Variants in AUTS2 observed in about 807,000 individuals in gnomAD.
AUTS2 encodes the protein activator of transcription and developmental regulator AUTS2.
A neutral mutation model predicts 112.4 loss-of-function variants in AUTS2; 17 were observed. The observed-to-expected ratio is 0.15, with a 90% CI of 0.10 to 0.23. The LOEUF is 0.23. Ranked by LOEUF, AUTS2 falls within the 10% of genes least tolerant of loss-of-function variation. The pLI is 1.00. For synonymous variants in AUTS2, 751 were observed against 702.7 expected, an observed-to-expected ratio of 1.07 and a Z score of -1.09; for missense variants, 1,510 against 1,701.6, an observed-to-expected ratio of 0.89 and a Z score of 1.98.
chr7:69,980,304 T>C (rs1303836321), intron 2 of AUTS2, among the ~76,000 whole-genome samples: 1 of 152,168 alleles, frequency 6.6e-6, no homozygotes, highest in Non-Finnish European at 1.5e-5. Flanking sequence ...TGTGTGCACT[T>C]AAAGAGTAAG....
intron 4 of AUTS2, among the ~76,000 whole-genome samples, chr7:70,375,689 G>T (rs1036474064): frequency 1.3e-5 from 2 of 152,164 alleles, no homozygotes; most frequent in African/African-American, 4.8e-5. Flanking sequence ...GATTCTGAAT[G>T]GGCTTTGAGC....
chr7:69,964,233 C>A (rs1377814114), intron 2 of AUTS2, among the ~76,000 whole-genome samples: 1 of 152,118 alleles, frequency 6.6e-6, no homozygotes, highest in East Asian at 1.9e-4. Context: ...CAGACATGGA[C>A]CAGCTGTGAG....
intron 5 of AUTS2, among the ~76,000 whole-genome samples, chr7:70,477,710 C>A (rs1474985331): frequency 6.6e-6 from 1 of 152,184 alleles, no homozygotes; most frequent in African/African-American, 2.4e-5. Flanking sequence ...AATCTCAGAT[C>A]ATTAACATAC....
intron 4 of AUTS2, among the ~76,000 whole-genome samples, chr7:70,369,610 A>T (rs1397707136): frequency 6.6e-6 from 1 of 152,074 alleles, no homozygotes; most frequent in Non-Finnish European, 1.5e-5. Context: ...AGAGGAGATG[A>T]TTAGATCAAG....
chr7:70,131,886 A>G (rs1374763929), intron 3 of AUTS2, among the ~76,000 whole-genome samples: 1 of 151,848 alleles, frequency 6.6e-6, no homozygotes, highest in African/African-American at 2.4e-5. Flanking sequence ...CAGGCGTAAT[A>G]TCTCACTGAA....
At chr7:70,568,221 ATGTGAGTTCATGTGTTAGC>A (rs1196079688) in intron 5 of AUTS2, among the ~76,000 whole-genome samples, 1 of 152,174 alleles carries the variant, frequency 6.6e-6, no homozygotes, top group African/African-American at 2.4e-5. Context: ...TATGGGGAAT[ATGTGAGTTCATGTGTTAGC>A]TGTGGAGCCA....
intron 4 of AUTS2, among the ~76,000 whole-genome samples, chr7:70,143,401 A>G (rs1291434046): frequency 6.6e-6 from 1 of 152,260 alleles, no homozygotes; most frequent in Non-Finnish European, 1.5e-5. Flanking sequence ...GTTTAGATAT[A>G]GCACAGTTGA....
rs1378702218 is a variant in AUTS2 at position 70,694,236 on chromosome 7, G to C, written c.691-4333G>C. On this transcript the variant is annotated intron_variant, in intron 5 of 18. Coordinates refer to ENST00000342771, the MANE Select transcript of AUTS2 (RefSeq NM_015570.4). The surrounding 1 kb of genome is among the most constrained non-coding windows in gnomAD (Gnocchi z 4.1). ...AGGCAGGCGCCCGCAAGCCGAGCGC[G>C]GGCCGGAGCCCAGCCAGCCCCGGGC... 6.7e-6 allele frequency: 1 copy of C among 149,998 alleles called. No individual in the cohort carries two copies. The highest frequency in any genetic ancestry group is 1.5e-5 in the Non-Finnish European group (1 of 67,132). 9.3% of individuals were successfully genotyped at this position (149,998 alleles called of 1,614,324 possible).
rs551642802 is a variant in AUTS2 at position 70,686,046 on chromosome 7, C to T, written c.691-12523C>T. Among the ~76,000 whole-genome samples the T allele has an allele frequency of 1.4e-3, 214 of 152,330 alleles. 1 individual carries two copies. Among genetic ancestry groups the T allele is most frequent in the Non-Finnish European group, 1.6e-3 (112 of 68,030 alleles). ...TCCCCCAGCTCAGTCCTTCTTCTTT[C>T]ATAGTAAGCTCCTGTCTGGGATCCT... is the stretch of plus-strand genomic sequence containing the variant. On this transcript the variant is annotated intron_variant, in intron 5 of 18. Transcript: ENST00000342771.
intron 2 of AUTS2, among the ~76,000 whole-genome samples, chr7:69,940,634 C>A (rs1279923800): frequency 6.6e-6 from 1 of 152,076 alleles, no homozygotes; most frequent in Non-Finnish European, 1.5e-5. Flanking sequence ...AGGGGTAGAA[C>A]CATGGGTATA....
Position 70,085,782 on chromosome 7 carries a change from G to C in AUTS2, c.523-32350G>C, listed in dbSNP as rs111951076. 3.6e-4 allele frequency among the ~76,000 whole-genome samples: 55 copies of C among 152,198 alleles called. 2 individuals carry two copies. The highest frequency in any genetic ancestry group is 1.2e-3 in the African/African-American group (51 of 41,526). On this transcript the variant is annotated intron_variant, in intron 2 of 18. Coordinates refer to ENST00000342771, the MANE Select transcript of AUTS2 (RefSeq NM_015570.4). The stretch of plus-strand genomic sequence containing the variant: ...AAATCAGTTGTTTATTTACATGTAG[G>C]CCTAATTTTCTTCCTTTTTACTAAT...
At chr7:70,492,853 T>C (rs1390967861) in intron 5 of AUTS2, among the ~76,000 whole-genome samples, 1 of 152,250 alleles carries the variant, frequency 6.6e-6, no homozygotes, top group Admixed American at 6.5e-5. Context: ...GGCCTGGAAG[T>C]GCAGCCCCCT....
At chr7:70,669,317 G>C (rs966713458) in intron 5 of AUTS2, among the ~76,000 whole-genome samples, 5 of 152,156 alleles carry the variant, frequency 3.3e-5, no homozygotes, top group Admixed American at 6.5e-5. Context: ...TGTGTTTGTG[G>C]GAACAGAACC....
At chr7:69,734,268 C>G (rs374484251) in intron 1 of AUTS2, among the ~76,000 whole-genome samples, 1 of 151,824 alleles carries the variant, frequency 6.6e-6, no homozygotes, top group East Asian at 1.9e-4. Flanking sequence ...AAGAGCTCTT[C>G]CACGTGTGGA....
At chr7:70,186,497 T>G (rs1426055484) in intron 4 of AUTS2, among the ~76,000 whole-genome samples, 1 of 152,178 alleles carries the variant, frequency 6.6e-6, no homozygotes, top group African/African-American at 2.4e-5. Context: ...AAAGATAAGT[T>G]GTTCAGATAA....
At chr7:69,874,857 G>A (rs997396536) in intron 1 of AUTS2, among the ~76,000 whole-genome samples, 1 of 151,870 alleles carries the variant, frequency 6.6e-6, no homozygotes, top group East Asian at 1.9e-4. Flanking sequence ...TTTTAGTACA[G>A]ACGGGGTTTC....
chr7:70,500,261 C>T (rs890306161), intron 5 of AUTS2, among the ~76,000 whole-genome samples: 5 of 152,142 alleles, frequency 3.3e-5, no homozygotes, highest in African/African-American at 7.2e-5. Flanking sequence ...GCCCCTCTCC[C>T]GTCCTGTTCT....
rs566362389 is a variant in AUTS2, at chr7:70,426,573, A to G, written c.661-9179A>G. ...CGGCACCTGTGAAACCGACAGGCAC[A>G]GAGATGAGAAGTGAAAGAGAGCAGT... On this transcript the variant is annotated intron_variant, in intron 4 of 18. Transcript: ENST00000342771. Among the ~76,000 whole-genome samples the G allele has an allele frequency of 6.6e-4, 101 of 152,352 alleles. 1 individual carries two copies. The highest frequency in any genetic ancestry group is 2.4e-3 in the African/African-American group (101 of 41,584).
At position 70,790,297 on chromosome 7, in the gene AUTS2, G is replaced by A. The variant is rs752140263; in HGVS notation, c.3081G>A (p.Gly1027=). ...TGGCCTCGATGCCCATGACGGTGGGGGTGACGGGCATTCACCCCATGAACA... is the reference window on the plus strand; with the variant it reads ...TGGCCTCGATGCCCATGACGGTGGGAGTGACGGGCATTCACCCCATGAACA... ...GPLASMPMTV[G]VTGIHPMNSI... is the part of the protein sequence containing the mutation. Residue 1027 remains glycine, a synonymous_variant, in exon 19 of 19, where the codon GGG becomes GGA. Coordinates refer to ENST00000342771, the MANE Select transcript of AUTS2 (RefSeq NM_015570.4). This position sits in a 1 kb window ranked among gnomAD's most constrained non-coding sequence, Gnocchi z 7.6. 3 of 1,613,438 alleles carry A rather than the reference G, an allele frequency of 1.9e-6. No individual in the cohort carries two copies. The highest frequency in any genetic ancestry group is 2.5e-6 in the Non-Finnish European group (3 of 1,180,002).
Sources: gnomAD v4.1 joint callset for allele counts (sites outside exome capture counted in the v4.1 genomes callset) on GRCh38, gnomAD v4.1.1 for gene constraint, Gnocchi (gnomAD v3.1) non-coding constraint, MANE v1.5 for transcripts, NCBI Gene and HGNC (gene_info 2026-07-23, HGNC 2026-07-21) for gene names.